ILDR2: variants seen among roughly 807,000 people sequenced by gnomAD.
ILDR2 encodes the protein immunoglobulin like domain containing receptor 2, also known as immunoglobulin-like domain-containing receptor 2.
ILDR2 carries 25 observed loss-of-function variants against 66.8 expected under a neutral mutation model. The observed-to-expected ratio is 0.37, with a 90% CI of 0.27 to 0.52. ILDR2 has a LOEUF of 0.52. Among genes scored for constraint, ILDR2 ranks in the 20% least tolerant of loss-of-function variants. ILDR2 has a pLI of 0.88. For missense variants in ILDR2, 827 were observed against 876.8 expected (o/e 0.94, Z 0.72); for synonymous variants, 367 against 357.2 (o/e 1.03, Z -0.31).
At chr1:166,960,532 A>T (rs1308311034) in intron 1 of ILDR2, among the ~76,000 whole-genome samples, 1 of 152,208 alleles carries the variant, frequency 6.6e-6, no homozygotes, top group African/African-American at 2.4e-5. Context: ...ACATTCTTTC[A>T]TTGGGCACCT....
chr1:166,903,721 C>A (rs1470851558), downstream of ILDR2, among the ~76,000 whole-genome samples: 1 of 152,164 alleles, frequency 6.6e-6, no homozygotes, highest in Non-Finnish European at 1.5e-5. Flanking sequence ...CTCCTATGTC[C>A]TTCCTTGTTC....
chr1:166,926,584 C>T (rs1171805480), intron 7 of ILDR2, among the ~76,000 whole-genome samples: 2 of 151,598 alleles, frequency 1.3e-5, no homozygotes, highest in Non-Finnish European at 2.9e-5. Flanking sequence ...GCACCCTTCA[C>T]GTTGGAAAAA....
At chr1:166,955,235 T>C (rs1343842100) in intron 3 of ILDR2, among the ~76,000 whole-genome samples, 5 of 152,216 alleles carry the variant, frequency 3.3e-5, no homozygotes, top group Non-Finnish European at 5.9e-5. Context: ...CTTTATATAT[T>C]GGACCCAAAG....
In ILDR2 at chr1:166,939,562, C is replaced by G. The variant is rs2101915074; in HGVS notation, c.508G>C (p.Gly170Arg). Residue 170 changes from glycine (G) to arginine (R), a missense_variant, in exon 4 of 10, where the codon GGG (glycine) becomes CGG (arginine). Physicochemically the swap from Gly to Arg is moderately radical, Grantham distance 125 (BLOSUM62 -2). Transcript: ENST00000271417. The part of the protein sequence containing the change: ...SVELLVLGRT[G>R]LLADLLPSFA... ...CTGGGCAAGAGATCAGCAAGCAGCC[C>G]TGTCCTGCCTAGAAGAAGTGGAAGG... The G allele has an allele frequency of 1.2e-6, 2 of 1,613,902 alleles. No individual in the cohort carries two copies. The highest frequency in any genetic ancestry group is 1.7e-6 in the Non-Finnish European group (2 of 1,179,750).
At position 166,917,246 on chromosome 1, in the gene ILDR2, G is replaced by C. The variant is rs1659679109; in HGVS notation, c.*2109C>G. 1 of 152,148 alleles carries C rather than the reference G, an allele frequency of 6.6e-6. No individual in the cohort carries two copies. Among genetic ancestry groups the C allele is most frequent in the South Asian group, 2.1e-4 (1 of 4,822 alleles). 9.4% of individuals were successfully genotyped at this position (152,148 alleles called of 1,614,324 possible). On this transcript the variant is annotated 3_prime_UTR_variant, in exon 10 of 10. Coordinates refer to ENST00000271417, the MANE Select transcript of ILDR2 (RefSeq NM_199351.3). ...CTCTGGGACTGGCCAAAGCAACACG[G>C]AAGTCCTTTGGTAGGTCAATTCTCC...
At chr1:166,924,405 T>A (rs982122020) in intron 7 of ILDR2, among the ~76,000 whole-genome samples, 8 of 152,212 alleles carry the variant, frequency 5.3e-5, no homozygotes, top group African/African-American at 1.2e-4. Flanking sequence ...TGATTTTTTT[T>A]ATTTATCTAG....
rs899839780 is a variant in ILDR2, at chr1:166,912,334, C to G, written c.*7021G>C. 1 of 151,846 alleles carries G rather than the reference C, an allele frequency of 6.6e-6. No homozygotes were observed. The allele number at this position is 151,846 out of a possible 1,614,324, so 9.4% of individuals were successfully genotyped here. A position where few individuals can be genotyped will look rare whatever the true frequency, so the allele number is the denominator to read the frequency against. ...TCAACAAAGACTGATGAGTATCCTACCAACAAATCATTACTGAAGTAAACT... is the reference window on the plus strand; with the variant it reads ...TCAACAAAGACTGATGAGTATCCTAGCAACAAATCATTACTGAAGTAAACT... On this transcript the variant is annotated 3_prime_UTR_variant, in exon 10 of 10. Coordinates refer to ENST00000271417, the MANE Select transcript of ILDR2 (RefSeq NM_199351.3).
In ILDR2 at chr1:166,921,453, C is replaced by T. The variant is rs1346253900; in HGVS notation, c.1212-74G>A. The T allele has an allele frequency of 6.9e-6, 9 of 1,304,424 alleles. No homozygotes were observed. The highest frequency in any genetic ancestry group is 9.3e-6 in the Non-Finnish European group (9 of 964,320). 80.8% of individuals were successfully genotyped at this position (1,304,424 alleles called of 1,614,324 possible). On this transcript the variant is annotated intron_variant, in intron 8 of 9. Coordinates refer to ENST00000271417, the MANE Select transcript of ILDR2 (RefSeq NM_199351.3). The surrounding 1 kb of genome is among the most constrained non-coding windows in gnomAD (Gnocchi z 5.3). The stretch of plus-strand genomic sequence containing the variant: ...TCCAGGTAGGGCTCCCAAGAGCACC[C>T]ATCGTGTCCTGGGGCCACGCTCAGG...
chr1:166,951,131 G>T (rs1238208546), intron 3 of ILDR2, among the ~76,000 whole-genome samples: 1 of 152,216 alleles, frequency 6.6e-6, no homozygotes, highest in African/African-American at 2.4e-5. Flanking sequence ...CATAGGTTCA[G>T]TTGGGGTTGG....
In ILDR2 at chr1:166,971,468, G is replaced by C. The variant is rs115785896; in HGVS notation, c.46+3755C>G. On this transcript the variant is annotated intron_variant, in intron 1 of 9. Transcript: ENST00000271417. ...AAGTGACTGGAAAACTTGGTTTTTG[G>C]TTTTTGTTTTGAGACAAGGTCTCAC... 4.7e-3 allele frequency among the ~76,000 whole-genome samples: 719 copies of C among 152,164 alleles called. 4 individuals carry two copies. The highest frequency in any genetic ancestry group is 0.016 in the African/African-American group (678 of 41,516).
At chr1:166,905,792 A>G (rs577606036), downstream of ILDR2, among the ~76,000 whole-genome samples, 2 of 152,334 alleles carry the variant, frequency 1.3e-5, no homozygotes, top group East Asian at 3.9e-4. Flanking sequence ...TGGAGTGAGC[A>G]GCCAAGGTTG....
At chr1:166,952,596 G>A (rs1662045909) in intron 3 of ILDR2, among the ~76,000 whole-genome samples, 1 of 152,140 alleles carries the variant, frequency 6.6e-6, no homozygotes, top group Non-Finnish European at 1.5e-5. Context: ...GTGGAAGGAG[G>A]GGTGAGTCAT....
chr1:166,973,038 C>T (rs1571223220), intron 1 of ILDR2, among the ~76,000 whole-genome samples: 1 of 152,122 alleles, frequency 6.6e-6, no homozygotes, highest in East Asian at 1.9e-4. Context: ...GCTTGTCTGT[C>T]CACACCTCTG....
At chr1:166,969,719 A>G (rs1663168553) in intron 1 of ILDR2, among the ~76,000 whole-genome samples, 1 of 152,252 alleles carries the variant, frequency 6.6e-6, no homozygotes, top group African/African-American at 2.4e-5. Flanking sequence ...GCCCCATAAT[A>G]GACACCATGT....
intron 3 of ILDR2, among the ~76,000 whole-genome samples, chr1:166,950,065 A>G (rs1449107772): frequency 6.6e-6 from 1 of 152,250 alleles, no homozygotes; most frequent in Non-Finnish European, 1.5e-5. Flanking sequence ...TATCTGATGC[A>G]TAATTGAGTT....
rs1659653725 is a variant in ILDR2 at position 166,916,603 on chromosome 1, C to A, written c.*2752G>T. 6.6e-6 allele frequency: 1 copy of A among 152,212 alleles called. No homozygotes were observed. Among genetic ancestry groups the A allele is most frequent in the African/African-American group, 2.4e-5 (1 of 41,452 alleles). 9.4% of individuals were successfully genotyped at this position (152,212 alleles called of 1,614,324 possible). A position where few individuals can be genotyped will look rare whatever the true frequency, so the allele number is the denominator to read the frequency against. ...AGAGGAAAGTCAGGGGTGCTGAGGACAAGAAGTTTTGACTTGTCAACTCAG... is the reference window on the plus strand; with the variant it reads ...AGAGGAAAGTCAGGGGTGCTGAGGAAAAGAAGTTTTGACTTGTCAACTCAG... On this transcript the variant is annotated 3_prime_UTR_variant, in exon 10 of 10. Coordinates refer to ENST00000271417, the MANE Select transcript of ILDR2 (RefSeq NM_199351.3).
chr1:166,965,916 G>A (rs1394558232), intron 1 of ILDR2, among the ~76,000 whole-genome samples: 1 of 152,064 alleles, frequency 6.6e-6, no homozygotes, highest in Non-Finnish European at 1.5e-5. Flanking sequence ...GAGATGAATA[G>A]GGAGATGAGT....
intron 2 of ILDR2, among the ~76,000 whole-genome samples, chr1:166,896,546 A>ATG (rs1659170183): frequency 1.7e-4 from 2 of 11,914 alleles, no homozygotes; most frequent in Non-Finnish European, 8.1e-4. Flanking sequence ...ATGGAAACAG[A>ATG]TATATATATA....
chr1:166,966,509 T>C lies in ILDR2; in HGVS notation c.47-8408A>G, dbSNP rs553455698. Among the ~76,000 whole-genome samples the C allele has an allele frequency of 3.3e-5, 5 of 152,374 alleles. No individual in the cohort carries two copies. In the South Asian group the frequency reaches 1.0e-3, roughly 32 times the overall value. On this transcript the variant is annotated intron_variant, in intron 1 of 9. Transcript: ENST00000271417. Reference sequence around the variant, plus strand: ...CCCAGGTGGATTTTTGCTCATGGCATAGTTATTATTTGCTGCCAATAACTC... The same window carrying C: ...CCCAGGTGGATTTTTGCTCATGGCACAGTTATTATTTGCTGCCAATAACTC...
Sources: allele counts gnomAD v4.1 joint callset (sites outside exome capture counted in the v4.1 genomes callset), GRCh38; gene constraint gnomAD v4.1.1; non-coding constraint Gnocchi (gnomAD v3.1); transcripts MANE v1.5; gene names NCBI Gene and HGNC (gene_info 2026-07-23, HGNC 2026-07-21).